PRR12: variants seen among roughly 807,000 people sequenced by gnomAD.
PRR12 encodes proline-rich protein 12.
In PRR12, 12 loss-of-function variants were observed where a neutral mutation model predicts 138.0. The ratio of observed to expected loss-of-function variants is 0.09; its 90% CI spans 0.06 to 0.14. The LOEUF (loss-of-function observed/expected upper bound fraction) is 0.14, where lower values mean the gene tolerates loss of function less well. PRR12 is among the 10% of genes least tolerant of loss of function. PRR12 has a pLI of 1.00. For synonymous variants in PRR12, 1,567 were observed against 1,291.7 expected (o/e 1.21, Z -4.57); for missense variants, 2,692 against 2,861.3 (o/e 0.94, Z 1.35).
Position 49,596,821 on chromosome 19 carries a change from G to A in PRR12, c.2486G>A (p.Arg829His), listed in dbSNP as rs200621235. The change falls in exon 4 of 14, where the codon CGC (arginine) becomes CAC (histidine). Residue 829 changes from arginine to histidine, a missense_variant. Arg to His is a conservative substitution (Grantham distance 29). This residue lies in a region of PRR12 where 840 missense variants were observed against 689.8 expected (regional missense o/e 1.22). Transcript: ENST00000418929. The surrounding 1 kb of genome is among the most constrained non-coding windows in gnomAD (Gnocchi z 5.6). ...GTCCACCTCCTTGAGCCAGCCACCC[G>A]CGATGGGGCACCCCAGCCACCTCCA... ...VGVHLLEPAT[R>H]DGAPQPPPPP... 5.4e-4 allele frequency: 855 copies of A among 1,596,506 alleles called. 1 individual carries two copies. In the Middle Eastern group the frequency reaches 5.9e-3, roughly 11 times the overall value.
At chr19:49,618,150 A>G (rs2080902555) in intron 9 of PRR12, among the ~76,000 whole-genome samples, 1 of 152,046 alleles carries the variant, frequency 6.6e-6, no homozygotes, top group South Asian at 2.1e-4. Context: ...AGGGTTGTCC[A>G]GGGTCCCAGT....
At position 49,615,060 on chromosome 19, in the gene PRR12, A is replaced by T. The variant is rs113016106; in HGVS notation, c.5024+51A>T. On this transcript the variant is annotated intron_variant, in intron 8 of 13. Transcript: ENST00000418929. ...CAGGTAGTATGTAGCGCCGACAGGCATGGGGATGCGGCATGCAAGAGAGAA... is the reference window on the plus strand; with the variant it reads ...CAGGTAGTATGTAGCGCCGACAGGCTTGGGGATGCGGCATGCAAGAGAGAA... 3.9e-3 allele frequency: 6,203 copies of T among 1,607,086 alleles called. 219 individuals are homozygous for T. In the African/African-American group the frequency reaches 0.071, roughly 19 times the overall value.
At chr19:49,605,462 A>G (rs145146040) in intron 6 of PRR12, among the ~76,000 whole-genome samples, 2,547 of 152,004 alleles carry the variant, frequency 0.017, 29 homozygotes, top group Non-Finnish European at 0.026. Context: ...GGATTTCTCC[A>G]TGTTGGCCAG....
chr19:49,594,458 C>G lies in PRR12; in HGVS notation c.204C>G (p.Leu68=). ...ATAACCCCTGTCCCCGGCCAGGCCT[C>G]TCTGGACTCTTCGACACTGGCCTCC... The part of the protein sequence containing the change: ...SYATNHHPAG[L]SGLFDTGLHH... Residue 68 remains leucine (L), a synonymous_variant, in exon 3 of 14, where the codon CTC becomes CTG. Transcript: ENST00000418929. The surrounding 1 kb of genome is among the most constrained non-coding windows in gnomAD (Gnocchi z 5.6). The G allele has an allele frequency of 6.2e-7, 1 of 1,603,456 alleles. No homozygotes were observed. Among genetic ancestry groups the G allele is most frequent in the Admixed American group, 1.7e-5 (1 of 58,316 alleles).
At position 49,625,702 on chromosome 19, in the gene PRR12, G is replaced by C. The variant is rs1289890571; in HGVS notation, c.*95G>C. ...GAGCTAACACCTGGGCTCCATCGCCGGGGAAAGGGGGTCATGGGTCAGGGT... is the reference window on the plus strand; with the variant it reads ...GAGCTAACACCTGGGCTCCATCGCCCGGGAAAGGGGGTCATGGGTCAGGGT... On this transcript the variant is annotated 3_prime_UTR_variant, in exon 14 of 14. Transcript: ENST00000418929. This position sits in a 1 kb window ranked among gnomAD's most constrained non-coding sequence, Gnocchi z 5.5. The C allele has an allele frequency of 2.1e-6, 3 of 1,442,812 alleles. No individual in the cohort carries two copies. The highest frequency in any genetic ancestry group is 2.9e-5 in the South Asian group (2 of 68,896). 89.4% of individuals were successfully genotyped at this position (1,442,812 alleles called of 1,614,324 possible). A position where few individuals can be genotyped will look rare whatever the true frequency, so the allele number is the denominator to read the frequency against.
chr19:49,598,364 G>A (rs1242740411), intron 4 of PRR12, among the ~76,000 whole-genome samples: 4 of 151,926 alleles, frequency 2.6e-5, no homozygotes, highest in Non-Finnish European at 5.9e-5. Flanking sequence ...CTGAGCCACC[G>A]CGCCCGGCCT....
Position 49,618,789 on chromosome 19 carries a change from C to T in PRR12, c.5498-1563C>T, listed in dbSNP as rs1207987150. On this transcript the variant is annotated intron_variant, in intron 9 of 13. Coordinates refer to ENST00000418929, the MANE Select transcript of PRR12 (RefSeq NM_020719.3). ...CCTTTCCCAGGCCTGCCCAGCTCAG[C>T]CTCGTCCTCTGCTTCCAGCCCTGCC... 2.0e-5 allele frequency among the ~76,000 whole-genome samples: 3 copies of T among 152,120 alleles called. No individual in the cohort carries two copies. In the East Asian group the frequency reaches 5.8e-4, roughly 29 times the overall value.
In PRR12 at chr19:49,595,837, A is replaced by G; in HGVS notation, c.1502A>G (p.Gln501Arg). The change falls in exon 4 of 14, where the codon CAG becomes CGG. Residue 501 changes from glutamine to arginine, a missense_variant. By Grantham distance (43) the Gln-to-Arg change is conservative. This residue lies in a region of PRR12 where 523 missense variants were observed against 496.4 expected (regional missense o/e 1.05). Coordinates refer to ENST00000418929, the MANE Select transcript of PRR12 (RefSeq NM_020719.3). Reference sequence around the variant, plus strand: ...ACATGTCAGAGCTACTCCCCGGACCAGCTGCAGGGGCAGCTGTATGGGGTG... The same window carrying G: ...ACATGTCAGAGCTACTCCCCGGACCGGCTGCAGGGGCAGCTGTATGGGGTG... ...LATCQSYSPD[Q>R]LQGQLYGVQG... is the part of the protein sequence containing the mutation. The G allele has an allele frequency of 1.2e-6, 2 of 1,600,948 alleles. No individual in the cohort carries two copies. Among genetic ancestry groups the G allele is most frequent in the Non-Finnish European group, 1.7e-6 (2 of 1,177,784 alleles).
intron 6 of PRR12, among the ~76,000 whole-genome samples, chr19:49,613,636 G>A (rs965747361): frequency 6.6e-6 from 1 of 152,198 alleles, no homozygotes; most frequent in African/African-American, 2.4e-5. Flanking sequence ...TGGACATGCT[G>A]GTGAAATGGT....
Position 49,591,490 on chromosome 19 carries a change from C to G in PRR12, c.-165C>G, listed in dbSNP as rs931122401. Among the ~76,000 whole-genome samples, 2 of 149,884 alleles carry G rather than the reference C, an allele frequency of 1.3e-5. No homozygotes were observed. The highest frequency in any genetic ancestry group is 3.0e-5 in the Non-Finnish European group (2 of 66,884). ...CGCCCCTGCCCCCTCCCTCCCCCGC[C>G]CGGGGCCTTCCCGGGCCTTCGGCGG... On this transcript the variant is annotated 5_prime_UTR_variant, in exon 1 of 14. Coordinates refer to ENST00000418929, the MANE Select transcript of PRR12 (RefSeq NM_020719.3).
chr19:49,620,526 G>A, intron 10 of PRR12, 49 bp downstream of exon 10: 1 of 1,548,488 alleles, frequency 6.5e-7, no homozygotes, highest in Non-Finnish European at 8.7e-7. Context: ...CGGTCTGAGG[G>A]AGCAGGTGCT....
rs373856538 is a variant in PRR12, at chr19:49,594,992, C to T, written c.657C>T (p.Leu219=). ...AGGGVLGPAG[L]GPAQTPPYRP... ...GCGGTGTCTTGGGGCCAGCTGGTCTCGGTCCAGCCCAGACCCCCCCTTACC... is the reference window on the plus strand; with the variant it reads ...GCGGTGTCTTGGGGCCAGCTGGTCTTGGTCCAGCCCAGACCCCCCCTTACC... Residue 219 remains leucine (L), a synonymous_variant, in exon 4 of 14, where the codon CTC becomes CTT. Transcript: ENST00000418929. The surrounding 1 kb of genome is among the most constrained non-coding windows in gnomAD (Gnocchi z 5.6). The T allele has an allele frequency of 2.7e-4, 436 of 1,598,824 alleles. No individual in the cohort carries two copies. Among genetic ancestry groups the T allele is most frequent in the Non-Finnish European group, 3.5e-4 (413 of 1,174,388 alleles).
chr19:49,625,453 C>T lies in PRR12; in HGVS notation c.5965-8C>T, dbSNP rs761529919. 3.8e-6 allele frequency: 6 copies of T among 1,598,656 alleles called. No individual in the cohort carries two copies. In the East Asian group the frequency reaches 1.1e-4, roughly 30 times the overall value. On this transcript the variant is annotated splice_region_variant and splice_polypyrimidine_tract_variant and intron_variant, in intron 13 of 13. Transcript: ENST00000418929. The surrounding 1 kb of genome is among the most constrained non-coding windows in gnomAD (Gnocchi z 5.5). ...CACCCTCCCCAGTGCCATGTTTGAC[C>T]CCTGCAGACCCTGGCCATCGAGGGC...
Position 49,599,578 on chromosome 19 carries a change from A to G in PRR12, c.3985A>G (p.Thr1329Ala). 6.3e-7 allele frequency: 1 copy of G among 1,594,302 alleles called. No individual in the cohort carries two copies. Among genetic ancestry groups the G allele is most frequent in the African/African-American group, 1.3e-5 (1 of 74,460 alleles). Residue 1329 changes from threonine to alanine, a missense_variant, in exon 5 of 14, where the codon ACC (threonine) becomes GCC (alanine). Thr to Ala is a moderately conservative substitution (Grantham distance 58). Transcript: ENST00000418929. This position sits in a 1 kb window ranked among gnomAD's most constrained non-coding sequence, Gnocchi z 5.0. Reference sequence around the variant, plus strand: ...AGGCCTGCAGCCCCAGCCCCCTGCCACCCCTGCTGTGCCACATCCCCCACC... The same window carrying G: ...AGGCCTGCAGCCCCAGCCCCCTGCCGCCCCTGCTGTGCCACATCCCCCACC... The part of the protein sequence containing the change: ...ARGLQPQPPA[T>A]PAVPHPPPSG...
At position 49,597,319 on chromosome 19, in the gene PRR12, C is replaced by T. The variant is rs867541890; in HGVS notation, c.2984C>T (p.Pro995Leu). The T allele has an allele frequency of 2.6e-6, 4 of 1,550,694 alleles. No homozygotes were observed. In the Admixed American group the frequency reaches 5.7e-5, roughly 22 times the overall value. Reference sequence around the variant, plus strand: ...TATGATCCCTATGGGCCCTACTGTCCTGGCCGGGCGTCGGGAGCCGGGCCC... The same window carrying T: ...TATGATCCCTATGGGCCCTACTGTCTTGGCCGGGCGTCGGGAGCCGGGCCC... ...PAYDPYGPYC[P>L]GRASGAGPET... The change falls in exon 4 of 14, where the codon CCT (proline) becomes CTT (leucine). Residue 995 changes from proline to leucine, a missense_variant. Physicochemically the swap from Pro to Leu is moderately conservative, Grantham distance 98 (BLOSUM62 -3). Coordinates refer to ENST00000418929, the MANE Select transcript of PRR12 (RefSeq NM_020719.3). This position sits in a 1 kb window ranked among gnomAD's most constrained non-coding sequence, Gnocchi z 6.3.
chr19:49,609,203 T>C (rs1381142809), intron 6 of PRR12, among the ~76,000 whole-genome samples: 1 of 152,110 alleles, frequency 6.6e-6, no homozygotes, highest in Non-Finnish European at 1.5e-5. Context: ...TATTCCCAGC[T>C]ACCCTAGAGG....
At position 49,615,802 on chromosome 19, in the gene PRR12, C is replaced by T; in HGVS notation, c.5080C>T (p.Pro1694Ser). The T allele has an allele frequency of 6.2e-7, 1 of 1,612,958 alleles. No homozygotes were observed. The stretch of plus-strand genomic sequence containing the variant: ...TGCTGGGGGTAGCTCTGCACCTCCC[C>T]CTAAGGCCCCAGCACCACCTCCCAA... ...VSAGGSSAPP[P>S]KAPAPPPKPE... The change falls in exon 9 of 14, where the codon CCT becomes TCT. Residue 1694 changes from proline (P) to serine (S), a missense_variant. This residue lies in a region of PRR12 where 259 missense variants were observed against 265.1 expected (regional missense o/e 0.98). Transcript: ENST00000418929.
chr19:49,616,349 C>T lies in PRR12; in HGVS notation c.5497+130C>T. On this transcript the variant is annotated intron_variant, in intron 9 of 13. Transcript: ENST00000418929. This position sits in a 1 kb window ranked among gnomAD's most constrained non-coding sequence, Gnocchi z 4.2. ...AGTATGTTACAGATAATGGCAGTAG[C>T]TCACAGTCACGGGGCATCTCACTAC... 1 of 805,664 alleles carries T rather than the reference C, an allele frequency of 1.2e-6. No individual in the cohort carries two copies. Among genetic ancestry groups the T allele is most frequent in the East Asian group, 2.9e-5 (1 of 34,804 alleles). 49.9% of individuals were successfully genotyped at this position (805,664 alleles called of 1,614,324 possible).
At chr19:49,624,221 AT>A (rs2080941632) in intron 11 of PRR12, among the ~76,000 whole-genome samples, 1 of 138,118 alleles carries the variant, frequency 7.2e-6, no homozygotes, top group African/African-American at 2.8e-5. Context: ...GAGACTGAGA[AT>A]TCTGGGGTAG....
Sources: gnomAD v4.1 joint callset for allele counts (sites outside exome capture counted in the v4.1 genomes callset) on GRCh38, gnomAD v4.1.1 for gene constraint, gnomAD v4.1.1 regional missense constraint, Gnocchi (gnomAD v3.1) non-coding constraint, MANE v1.5 for transcripts, NCBI Gene and HGNC (gene_info 2026-07-23, HGNC 2026-07-21) for gene names.